Variants in RABGEF1 observed in about 807,000 individuals in gnomAD.
RABGEF1 encodes rab5 GDP/GTP exchange factor.
A neutral mutation model predicts 57.3 loss-of-function variants in RABGEF1; 26 were observed. That is an observed-to-expected ratio of 0.45 (90% CI 0.33 to 0.63). The LOEUF (loss-of-function observed/expected upper bound fraction) is 0.63, where lower values mean the gene tolerates loss of function less well. Ranked by LOEUF, RABGEF1 falls within the 20% of genes least tolerant of loss-of-function variation. RABGEF1 has a pLI of 0.02. For missense variants in RABGEF1, 464 were observed against 607.6 expected (o/e 0.76, Z 2.48); for synonymous variants, 185 against 210.7 (o/e 0.88, Z 1.06).
chr7:66,760,392 T>G (rs1012360848), intron 1 of RABGEF1, among the ~76,000 whole-genome samples: 7 of 152,194 alleles, frequency 4.6e-5, no homozygotes, highest in African/African-American at 1.7e-4. Flanking sequence ...CCCAGTTTAT[T>G]TAACCATCCC....
At chr7:66,751,543 G>A (rs529303188) in intron 1 of RABGEF1, among the ~76,000 whole-genome samples, 1 of 152,260 alleles carries the variant, frequency 6.6e-6, no homozygotes, top group African/African-American at 2.4e-5. Context: ...CAGGTAGAGT[G>A]GGGCTGATCA....
At chr7:66,679,239 C>T (rs1223274350), upstream of RABGEF1, among the ~76,000 whole-genome samples, 2 of 152,198 alleles carry the variant, frequency 1.3e-5, no homozygotes, top group African/African-American at 4.8e-5. Context: ...CAGCTGGCTC[C>T]CTCATCTTTT....
At chr7:66,659,584 A>G in the RABGEF1 span, among the ~76,000 whole-genome samples, 161 of 152,142 alleles carry the variant, frequency 1.1e-3, no homozygotes, top group African/African-American at 3.6e-3. Flanking sequence ...GTTCAAGACC[A>G]GCCTGGGGAA....
At chr7:66,685,324 C>G (rs151297832) in intron 1 of RABGEF1, among the ~76,000 whole-genome samples, 121 of 151,982 alleles carry the variant, frequency 8.0e-4, no homozygotes, top group African/African-American at 2.8e-3. Context: ...CAGCTAATTA[C>G]TTCTGTCTTG....
chr7:66,729,102 G>A (rs1255720974), intron 2 of RABGEF1, among the ~76,000 whole-genome samples: 1 of 151,576 alleles, frequency 6.6e-6, no homozygotes, highest in Non-Finnish European at 1.5e-5. Flanking sequence ...AGGTGCGTGC[G>A]ACCATGCCTG....
At chr7:66,731,729 T>G (rs1282348714) in intron 2 of RABGEF1, among the ~76,000 whole-genome samples, 2 of 152,058 alleles carry the variant, frequency 1.3e-5, no homozygotes, top group African/African-American at 2.4e-5. Flanking sequence ...ACATCAGGAT[T>G]CTTGGCATCA....
upstream of RABGEF1, among the ~76,000 whole-genome samples, chr7:66,738,731 C>CA (rs546724986): frequency 0.2 from 18,924 of 94,830 alleles, 1,669 homozygotes; most frequent in Middle Eastern, 0.3. Flanking sequence ...GACTCTAACT[C>CA]AAAAAAAAAA....
At chr7:66,681,171 T>C (rs1450738525), upstream of RABGEF1, among the ~76,000 whole-genome samples, 2 of 152,226 alleles carry the variant, frequency 1.3e-5, no homozygotes, top group African/African-American at 4.8e-5. Flanking sequence ...AACCCAGGTC[T>C]ATCTAAGAGC....
chr7:66,770,816 A>G (rs553198175), intron 1 of RABGEF1, among the ~76,000 whole-genome samples: 66 of 152,282 alleles, frequency 4.3e-4, no homozygotes, highest in African/African-American at 1.4e-3. Context: ...AGCCATCCTA[A>G]TGGGTGTAAA....
intron 1 of RABGEF1, among the ~76,000 whole-genome samples, chr7:66,709,673 C>T (rs530028904): frequency 1.3e-5 from 2 of 152,116 alleles, no homozygotes; most frequent in African/African-American, 4.8e-5. Flanking sequence ...TACTCAGGAG[C>T]CTGAGGCAGG....
chr7:66,708,751 G>T (rs116637594), intron 1 of RABGEF1, among the ~76,000 whole-genome samples: 1,880 of 152,196 alleles, frequency 0.012, 37 homozygotes, highest in African/African-American at 0.042. Context: ...GGTTGAGGTT[G>T]CAGTGAGGTA....
chr7:66,656,318 T>G, the RABGEF1 span, among the ~76,000 whole-genome samples: 2 of 152,086 alleles, frequency 1.3e-5, no homozygotes, highest in African/African-American at 4.8e-5. Flanking sequence ...AGTCTTGGTG[T>G]GTTGCCCAGG....
At chr7:66,711,480 T>G (rs565297359) in intron 1 of RABGEF1, among the ~76,000 whole-genome samples, 4 of 152,232 alleles carry the variant, frequency 2.6e-5, no homozygotes, top group Non-Finnish European at 5.9e-5. Flanking sequence ...TATCCAATAT[T>G]CCAGCACCAT....
chr7:66,658,304 A>G, the RABGEF1 span, among the ~76,000 whole-genome samples: 1 of 152,082 alleles, frequency 6.6e-6, no homozygotes, highest in Admixed American at 6.6e-5. Flanking sequence ...AGGCCAAGGT[A>G]GGCGGATCAC....
chr7:66,663,039 C>T, the RABGEF1 span, among the ~76,000 whole-genome samples: 1 of 152,250 alleles, frequency 6.6e-6, no homozygotes, highest in South Asian at 2.1e-4. Flanking sequence ...GCAAGAAACA[C>T]CTGGCCCGCC....
At chr7:66,755,329 G>T (rs1362112832) in intron 1 of RABGEF1, among the ~76,000 whole-genome samples, 1 of 151,836 alleles carries the variant, frequency 6.6e-6, no homozygotes, top group Non-Finnish European at 1.5e-5. Flanking sequence ...AAAAAATTTA[G>T]CCAGGGATGG....
chr7:66,764,553 C>T (rs1397787897), intron 1 of RABGEF1, among the ~76,000 whole-genome samples: 1 of 152,048 alleles, frequency 6.6e-6, no homozygotes, highest in East Asian at 1.9e-4. Flanking sequence ...AAAATTTTAC[C>T]TCTACATTTT....
chr7:66,658,947 G>A, the RABGEF1 span, among the ~76,000 whole-genome samples: 1 of 152,066 alleles, frequency 6.6e-6, no homozygotes, highest in East Asian at 2.0e-4. Context: ...GTGTTAGCCA[G>A]GATGATCTCT....
intron 4 of RABGEF1, among the ~76,000 whole-genome samples, chr7:66,786,991 A>G (rs1427008113): frequency 6.6e-6 from 1 of 152,194 alleles, no homozygotes; most frequent in Non-Finnish European, 1.5e-5. Flanking sequence ...ATAAAGCTTA[A>G]TTTTTAAAAC....
Sources: allele counts gnomAD v4.1 joint callset (sites outside exome capture counted in the v4.1 genomes callset), GRCh38; gene constraint gnomAD v4.1.1; transcripts MANE v1.5; gene names NCBI Gene and HGNC (gene_info 2026-07-23, HGNC 2026-07-21).